LPAR1: variants seen among roughly 807,000 people sequenced by gnomAD.
LPAR1 encodes LPA receptor 1.
Under a neutral mutation model 23.8 loss-of-function variants are expected in LPAR1, and 5 were observed. The ratio of observed to expected loss-of-function variants is 0.21; its 90% CI spans 0.11 to 0.44. The LOEUF (loss-of-function observed/expected upper bound fraction) is 0.44. LPAR1 is among the 20% of genes least tolerant of loss of function. The probability of loss-of-function intolerance (pLI) is 0.99; values close to 1 mark genes in which losing one functional copy is unlikely to be tolerated. For missense variants in LPAR1, 311 were observed against 482.8 expected, an observed-to-expected ratio of 0.64 and a Z score of 3.33; for synonymous variants, 160 against 164.7, an observed-to-expected ratio of 0.97 and a Z score of 0.22.
intron 2 of LPAR1, among the ~76,000 whole-genome samples, chr9:110,987,412 T>C (rs1233961694): frequency 6.6e-6 from 1 of 151,140 alleles, no homozygotes; most frequent in African/African-American, 2.4e-5. Context: ...AATAATTTCA[T>C]CTCCAGTGCC....
In LPAR1 at chr9:110,962,776, T is replaced by G. The variant is rs1380100172; in HGVS notation, c.45+9297A>C. Among the ~76,000 whole-genome samples the G allele has an allele frequency of 2.6e-5, 4 of 152,322 alleles. No individual in the cohort carries two copies. The East Asian group carries it at 7.7e-4, about 29-fold the overall frequency. ...GATAAGTTTAACTTAAGGGCAGCTC[T>G]TAAGTGATGTTATGCAATTACCAAA... On this transcript the variant is annotated intron_variant, in intron 4 of 5. Transcript: ENST00000683809.
At chr9:110,994,541 G>C (rs954716373) in intron 2 of LPAR1, among the ~76,000 whole-genome samples, 1 of 152,124 alleles carries the variant, frequency 6.6e-6, no homozygotes, top group Non-Finnish European at 1.5e-5. Flanking sequence ...AGATGTTAGC[G>C]CATCAGTGTA....
intron 5 of LPAR1, among the ~76,000 whole-genome samples, chr9:110,879,417 C>CAAAAAAAA (rs71371692): frequency 8.5e-5 from 4 of 47,176 alleles, no homozygotes; most frequent in East Asian, 8.4e-4. Flanking sequence ...GACTCCATCT[C>CAAAAAAAA]AAAAAAAAAA....
chr9:110,927,226 C>G (rs2094108981), intron 5 of LPAR1, among the ~76,000 whole-genome samples: 1 of 117,690 alleles, frequency 8.5e-6, no homozygotes, highest in Non-Finnish European at 1.7e-5. Context: ...TTTTACTTAG[C>G]ATTCCACACT....
chr9:110,925,033 T>C (rs2093908414), intron 5 of LPAR1, among the ~76,000 whole-genome samples: 1 of 152,178 alleles, frequency 6.6e-6, no homozygotes, highest in Non-Finnish European at 1.5e-5. Context: ...CCCTGTATTT[T>C]AGTCATATTT....
At chr9:110,921,096 T>C (rs1227856747) in intron 5 of LPAR1, among the ~76,000 whole-genome samples, 1 of 152,066 alleles carries the variant, frequency 6.6e-6, no homozygotes, top group Admixed American at 6.6e-5. Context: ...GGATCGCTAC[T>C]GTACTCCAGC....
chr9:110,881,436 A>G (rs2080800415), intron 5 of LPAR1, among the ~76,000 whole-genome samples: 1 of 152,140 alleles, frequency 6.6e-6, no homozygotes, highest in Non-Finnish European at 1.5e-5. Flanking sequence ...GACTCTCCTG[A>G]TCACCACAAT....
chr9:110,977,195 G>A (rs571769346), intron 2 of LPAR1, among the ~76,000 whole-genome samples: 14 of 152,292 alleles, frequency 9.2e-5, no homozygotes, highest in East Asian at 1.9e-4. Context: ...AGTTTAGAGC[G>A]ATGGGGGCTG....
At chr9:111,024,384 T>A (rs184644583) in intron 2 of LPAR1, among the ~76,000 whole-genome samples, 54 of 148,098 alleles carry the variant, frequency 3.6e-4, no homozygotes, top group African/African-American at 1.3e-3. Flanking sequence ...TATACATATT[T>A]TTATATATAT....
chr9:110,954,815 G>A (rs1265152292), intron 4 of LPAR1, among the ~76,000 whole-genome samples: 1 of 152,180 alleles, frequency 6.6e-6, no homozygotes, highest in Admixed American at 6.5e-5. Context: ...CAAAAGCTGA[G>A]GGAATTACCA....
rs2024367 is a variant in LPAR1 at position 110,963,664 on chromosome 9, T to C, written c.45+8409A>G. ...CCTAAAACTTAAAGTGTAATAATAA[T>C]AAAATTTAAAAAAAAAAGAACTTCC... On this transcript the variant is annotated intron_variant, in intron 4 of 5. Coordinates refer to ENST00000683809, the MANE Select transcript of LPAR1 (RefSeq NM_001351411.2). 4.0e-4 allele frequency among the ~76,000 whole-genome samples: 60 copies of C among 150,942 alleles called. No individual in the cohort carries two copies. The East Asian group carries it at 0.012, about 29-fold the overall frequency.
At chr9:111,009,583 T>G in intron 2 of LPAR1, among the ~76,000 whole-genome samples, 1 of 152,102 alleles carries the variant, frequency 6.6e-6, no homozygotes, top group East Asian at 1.9e-4. Flanking sequence ...GTGGAAATAT[T>G]TCAGTCCATT....
intron 5 of LPAR1, among the ~76,000 whole-genome samples, chr9:110,905,632 TG>T (rs2091004608): frequency 6.6e-6 from 1 of 152,076 alleles, no homozygotes; most frequent in African/African-American, 2.4e-5. Context: ...GGATTACAGG[TG>T]TGAGCCACGG....
chr9:111,021,963 CAAAAAAAAA>C (rs3030187), intron 2 of LPAR1, among the ~76,000 whole-genome samples: 14 of 69,878 alleles, frequency 2.0e-4, no homozygotes, highest in African/African-American at 6.3e-4. Context: ...GACTCCGTCA[CAAAAAAAAA>C]AAAAAAAAAA....
intron 2 of LPAR1, among the ~76,000 whole-genome samples, chr9:111,017,672 C>A (rs2097481533): frequency 6.6e-6 from 1 of 152,194 alleles, no homozygotes; most frequent in Admixed American, 6.5e-5. Context: ...AGTTATTTCA[C>A]AGAAGTATAC....
chr9:111,034,165 T>C (rs1388918727), intron 2 of LPAR1, among the ~76,000 whole-genome samples: 2 of 152,206 alleles, frequency 1.3e-5, no homozygotes, highest in African/African-American at 4.8e-5. Context: ...CTCACTGCAG[T>C]ACCGAGTGTG....
At chr9:110,937,820 T>A (rs2094825669) in intron 5 of LPAR1, among the ~76,000 whole-genome samples, 1 of 152,210 alleles carries the variant, frequency 6.6e-6, no homozygotes, top group Admixed American at 6.5e-5. Context: ...CCAGGGATCA[T>A]TTTGATGAAG....
intron 5 of LPAR1, among the ~76,000 whole-genome samples, chr9:110,931,928 T>C (rs1327749386): frequency 2.0e-5 from 3 of 152,206 alleles, no homozygotes; most frequent in Admixed American, 6.5e-5. Flanking sequence ...ACTGTAGCCT[T>C]GTAGTATAGT....
intron 5 of LPAR1, among the ~76,000 whole-genome samples, chr9:110,926,695 T>TG (rs910314702): frequency 5.9e-5 from 6 of 102,426 alleles, no homozygotes; most frequent in East Asian, 3.3e-4. Flanking sequence ...AGTGGTTTTG[T>TG]GTTTTTTTTC....
Sources: gnomAD v4.1 joint callset for allele counts (sites outside exome capture counted in the v4.1 genomes callset) on GRCh38, gnomAD v4.1.1 for gene constraint, MANE v1.5 for transcripts, NCBI Gene and HGNC (gene_info 2026-07-23, HGNC 2026-07-21) for gene names.